The following LYN variants were observed in gnomAD, a reference collection of about 807,000 sequenced individuals.
LYN encodes tyrosine-protein kinase Lyn.
LYN carries 12 observed loss-of-function variants against 65.0 expected under a neutral mutation model. The observed-to-expected ratio is 0.18, with a 90% CI of 0.12 to 0.30. The LOEUF (loss-of-function observed/expected upper bound fraction) is 0.30. Among genes scored for constraint, LYN ranks in the 10% least tolerant of loss-of-function variants. The pLI is 1.00. For synonymous variants in LYN, 222 were observed against 221.2 expected, an observed-to-expected ratio of 1.00 and a Z score of -0.03; for missense variants, 380 against 623.2, an observed-to-expected ratio of 0.61 and a Z score of 4.16.
At chr8:55,959,138 A>T (rs1433204031) in intron 8 of LYN, among the ~76,000 whole-genome samples, 1 of 151,668 alleles carries the variant, frequency 6.6e-6, no homozygotes, top group Non-Finnish European at 1.5e-5. Context: ...TGTTTTGGGG[A>T]TTTTTTTTGT....
In LYN at chr8:55,891,565, T is replaced by C. The variant is rs150747414; in HGVS notation, c.-6+11462T>C. On this transcript the variant is annotated intron_variant, in intron 1 of 12. Coordinates refer to ENST00000519728, the MANE Select transcript of LYN (RefSeq NM_002350.4). ...GAGGGAATGGGAAGTTACTGCTTAA[T>C]GGGTACAGAGTTTCAGTTTTGCAAG... Among the ~76,000 whole-genome samples the C allele has an allele frequency of 3.2e-3, 483 of 152,220 alleles. 2 individuals are homozygous for C. The highest frequency in any genetic ancestry group is 0.011 in the African/African-American group (465 of 41,530).
chr8:55,954,586 C>A (rs570478421), intron 8 of LYN, among the ~76,000 whole-genome samples: 1 of 152,240 alleles, frequency 6.6e-6, no homozygotes, highest in East Asian at 1.9e-4. Context: ...TACCTGTAAT[C>A]CCAGCACTTT....
chr8:55,960,099 A>T (rs1279456405), intron 8 of LYN, among the ~76,000 whole-genome samples: 1 of 152,212 alleles, frequency 6.6e-6, no homozygotes, highest in Non-Finnish European at 1.5e-5. Flanking sequence ...TGTGGTGATG[A>T]TTGTACAATT....
intron 8 of LYN, among the ~76,000 whole-genome samples, chr8:55,954,617 T>G (rs1563527402): frequency 6.6e-6 from 1 of 152,104 alleles, no homozygotes; most frequent in South Asian, 2.1e-4. Context: ...AGCAGGAAGA[T>G]TGCTTGATCC....
At position 56,010,019 on chromosome 8, in the gene LYN, A is replaced by G; in HGVS notation, c.1448A>G (p.Lys483Arg). 1 of 1,614,172 alleles carries G rather than the reference A, an allele frequency of 6.2e-7. No homozygotes were observed. Among genetic ancestry groups the G allele is most frequent in the Non-Finnish European group, 8.5e-7 (1 of 1,180,010 alleles). ...YDIMKMCWKEKAEERPTFDYL... is the reference protein window; with the variant it reads ...YDIMKMCWKERAEERPTFDYL... ...ATTATGAAAATGTGCTGGAAAGAAA[A>G]GGCAGAAGAGAGACCAACGTTTGAC... Residue 483 changes from lysine to arginine, a missense_variant, in exon 13 of 13, where the codon AAG (lysine) becomes AGG (arginine). Lys to Arg is a conservative substitution (Grantham distance 26, BLOSUM62 2). Coordinates refer to ENST00000519728, the MANE Select transcript of LYN (RefSeq NM_002350.4).
intron 12 of LYN, among the ~76,000 whole-genome samples, chr8:56,008,135 A>T (rs1258207919): frequency 2.8e-5 from 4 of 145,404 alleles, no homozygotes; most frequent in South Asian, 2.1e-4. Flanking sequence ...AAAATAAAAT[A>T]AAATAAAATA....
chr8:55,997,913 T>C (rs1389957492), intron 10 of LYN, among the ~76,000 whole-genome samples: 1 of 151,888 alleles, frequency 6.6e-6, no homozygotes, highest in Non-Finnish European at 1.5e-5. Context: ...TGAAACCCCG[T>C]CTCTACTAAA....
intron 12 of LYN, among the ~76,000 whole-genome samples, chr8:56,005,850 G>A (rs1382022649): frequency 2.0e-5 from 3 of 152,166 alleles, no homozygotes; most frequent in Admixed American, 6.5e-5. Flanking sequence ...TTGGGAGGCC[G>A]AGGCAGGTGG....
chr8:55,997,956 T>C (rs567559803), intron 10 of LYN, among the ~76,000 whole-genome samples: 17 of 152,088 alleles, frequency 1.1e-4, no homozygotes, highest in South Asian at 8.3e-4. Context: ...TGGTGGTGGG[T>C]GCCTGTAGTC....
At chr8:55,902,412 C>A (rs781473129) in intron 1 of LYN, among the ~76,000 whole-genome samples, 8 of 149,144 alleles carry the variant, frequency 5.4e-5, no homozygotes, top group Non-Finnish European at 8.9e-5. Context: ...ACTGCAACTT[C>A]CGCCTCCCAG....
intron 1 of LYN, among the ~76,000 whole-genome samples, chr8:55,902,148 C>T (rs1805282467): frequency 1.3e-5 from 2 of 151,840 alleles, no homozygotes; most frequent in African/African-American, 4.8e-5. Flanking sequence ...GCTGGGATTG[C>T]AGGCATGTGC....
intron 1 of LYN, among the ~76,000 whole-genome samples, chr8:55,906,655 C>T (rs2130393721): frequency 6.6e-6 from 1 of 151,754 alleles, no homozygotes; most frequent in Admixed American, 6.6e-5. Flanking sequence ...TCACGCCTGG[C>T]CGAGGTCAAG....
At chr8:55,998,230 T>C (rs988729470) in intron 10 of LYN, 116 bp from the exon 11 acceptor site, 2 of 720,558 alleles carry the variant, frequency 2.8e-6, no homozygotes, top group African/African-American at 3.5e-5. Flanking sequence ...AGCTGAATGA[T>C]CAAAATAGTA....
At chr8:55,892,300 G>T (rs1353926130) in intron 1 of LYN, among the ~76,000 whole-genome samples, 1 of 152,082 alleles carries the variant, frequency 6.6e-6, no homozygotes, top group African/African-American at 2.4e-5. Flanking sequence ...CACACCTGTA[G>T]TCCCAGCTAC....
chr8:55,992,915 C>T (rs1808287662), intron 10 of LYN, among the ~76,000 whole-genome samples: 1 of 152,088 alleles, frequency 6.6e-6, no homozygotes, highest in Non-Finnish European at 1.5e-5. Flanking sequence ...CCTAAAGGCC[C>T]CCCCTCTTAA....
intron 12 of LYN, among the ~76,000 whole-genome samples, chr8:56,007,030 A>G (rs1007158820): frequency 6.6e-6 from 1 of 152,194 alleles, no homozygotes; most frequent in African/African-American, 2.4e-5. Flanking sequence ...AGCATCATCG[A>G]GAGTCCTTCA....
intron 1 of LYN, among the ~76,000 whole-genome samples, chr8:55,931,788 A>C (rs1013444801): frequency 6.6e-6 from 1 of 152,168 alleles, no homozygotes; most frequent in Admixed American, 6.5e-5. Flanking sequence ...CAGAAGGGCA[A>C]TTTGATGTTT....
intron 7 of LYN, among the ~76,000 whole-genome samples, chr8:55,953,121 G>A (rs990732062): frequency 2.0e-5 from 3 of 152,338 alleles, no homozygotes; most frequent in Non-Finnish European, 4.4e-5. Flanking sequence ...GGCACATGCT[G>A]AGGGCTTGTG....
At chr8:55,983,483 CT>C (rs1807986918) in intron 10 of LYN, among the ~76,000 whole-genome samples, 2 of 152,212 alleles carry the variant, frequency 1.3e-5, no homozygotes, top group Non-Finnish European at 2.9e-5. Flanking sequence ...TCTCCTCCCC[CT>C]GACAACAGAA....
Sources: allele counts gnomAD v4.1 joint callset (sites outside exome capture counted in the v4.1 genomes callset), GRCh38; gene constraint gnomAD v4.1.1; transcripts MANE v1.5; gene names NCBI Gene and HGNC (gene_info 2026-07-23, HGNC 2026-07-21).